NFATC1: variants seen among roughly 807,000 people sequenced by gnomAD.
The protein encoded by NFATC1 is nuclear factor of activated T-cells, cytoplasmic 1.
Under a neutral mutation model 76.0 loss-of-function variants are expected in NFATC1, and 22 were observed. The observed-to-expected ratio is 0.29, with a 90% CI of 0.21 to 0.41. NFATC1 has a LOEUF of 0.41. NFATC1 is among the 10% of genes least tolerant of loss of function. The pLI is 1.00. For missense variants in NFATC1, 1,357 were observed against 1,337.7 expected (o/e 1.01, Z -0.23); for synonymous variants, 704 against 613.1 (o/e 1.15, Z -2.19).
intron 2 of NFATC1, among the ~76,000 whole-genome samples, chr18:79,415,463 TAGTAGAG>T (rs927682252): frequency 2.6e-5 from 4 of 151,822 alleles, no homozygotes; most frequent in African/African-American, 9.7e-5. Context: ...TTTGTATTTT[TAGTAGAG>T]ATGGGGTTTC....
intron 3 of NFATC1, among the ~76,000 whole-genome samples, chr18:79,434,044 T>C (rs1005226509): frequency 5.9e-5 from 9 of 152,216 alleles, no homozygotes; most frequent in Non-Finnish European, 8.8e-5. Flanking sequence ...CTAAAGCCTC[T>C]GAACTTGGAG....
intron 1 of NFATC1, among the ~76,000 whole-genome samples, chr18:79,402,886 A>ACG (rs2085315073): frequency 6.6e-6 from 1 of 152,236 alleles, no homozygotes; most frequent in Non-Finnish European, 1.5e-5. Flanking sequence ...AAACTACTTC[A>ACG]CGTTGTTTCT....
intron 6 of NFATC1, among the ~76,000 whole-genome samples, chr18:79,455,495 C>T (rs1051860760): frequency 6.6e-6 from 1 of 152,200 alleles, no homozygotes; most frequent in Non-Finnish European, 1.5e-5. Flanking sequence ...CAGAGACGGG[C>T]TGTGCCAGGG....
At chr18:79,473,232 C>CTG (rs1418437165) in intron 8 of NFATC1, among the ~76,000 whole-genome samples, 2 of 152,264 alleles carry the variant, frequency 1.3e-5, no homozygotes, top group Non-Finnish European at 2.9e-5. Flanking sequence ...CTGGCCCCAC[C>CTG]TGTGAACAGC....
At chr18:79,400,188 G>T (rs1174798351) in intron 1 of NFATC1, 2 of 1,170,092 alleles carry the variant, frequency 1.7e-6, no homozygotes, top group Non-Finnish European at 2.1e-6. Flanking sequence ...TCGTGTCCGG[G>T]GAGTTTATTT....
chr18:79,480,203 A>G (rs1226138311), intron 8 of NFATC1, among the ~76,000 whole-genome samples: 1 of 152,148 alleles, frequency 6.6e-6, no homozygotes, highest in Non-Finnish European at 1.5e-5. Context: ...GCTCCCTGCA[A>G]ATAGCTCTGG....
At chr18:79,473,512 C>T (rs2088873581) in intron 8 of NFATC1, among the ~76,000 whole-genome samples, 1 of 149,088 alleles carries the variant, frequency 6.7e-6, no homozygotes, top group African/African-American at 2.5e-5. Context: ...CGACGTAAAC[C>T]TGAGGGAAGC....
intron 1 of NFATC1, among the ~76,000 whole-genome samples, chr18:79,407,078 A>G (rs1287810602): frequency 6.6e-6 from 1 of 152,236 alleles, no homozygotes; most frequent in East Asian, 1.9e-4. Context: ...CCTGGCCCAG[A>G]GCCCCCCAGG....
intron 9 of NFATC1, chr18:79,497,840 C>G (rs1405920478): frequency 6.6e-6 from 1 of 151,966 alleles, no homozygotes; most frequent in Non-Finnish European, 1.5e-5. Flanking sequence ...AACTTCCTGT[C>G]TGGTAACAGC....
intron 1 of NFATC1, among the ~76,000 whole-genome samples, chr18:79,401,503 C>T (rs2085255323): frequency 6.6e-6 from 1 of 152,246 alleles, no homozygotes; most frequent in Non-Finnish European, 1.5e-5. Flanking sequence ...GGAGCCAAGG[C>T]AGATGAGGGT....
chr18:79,486,758 G>T lies in NFATC1; in HGVS notation c.2603G>T (p.Cys868Phe), dbSNP rs751771633. The part of the protein sequence containing the change: ...PTCLQPCSPA[C>F]PPATGRPQHL... Reference sequence around the variant, plus strand: ...TGCCTGCAGCCCTGCAGCCCAGCGTGCCCGCCCGCCACGGGCCGCCCGCAG... The same window carrying T: ...TGCCTGCAGCCCTGCAGCCCAGCGTTCCCGCCCGCCACGGGCCGCCCGCAG... Residue 868 changes from cysteine to phenylalanine, a missense_variant, in exon 9 of 10, where the codon TGC (cysteine) becomes TTC (phenylalanine). By Grantham distance (205) the Cys-to-Phe change is radical. Around this residue, in one of 3 missense-constraint regions of NFATC1, gnomAD observed 424 missense variants for 395.4 expected, o/e 1.07. Coordinates refer to ENST00000427363, the MANE Select transcript of NFATC1 (RefSeq NM_001278669.2). The T allele has an allele frequency of 6.2e-7, 1 of 1,604,336 alleles. No homozygotes were observed. The highest frequency in any genetic ancestry group is 1.7e-5 in the Admixed American group (1 of 59,588).
intron 9 of NFATC1, among the ~76,000 whole-genome samples, chr18:79,510,839 GGGC>G (rs2090228063): frequency 6.7e-6 from 1 of 149,274 alleles, no homozygotes; most frequent in African/African-American, 2.5e-5. Context: ...TCCTCTGCCG[GGGC>G]ATCCTCTGCC....
intron 1 of NFATC1, among the ~76,000 whole-genome samples, chr18:79,406,559 G>A (rs2085445410): frequency 6.6e-6 from 1 of 152,240 alleles, no homozygotes; most frequent in Non-Finnish European, 1.5e-5. Flanking sequence ...GCTCCAACAG[G>A]CGAGAGGGCT....
At chr18:79,419,510 C>T (rs891085673) in intron 2 of NFATC1, among the ~76,000 whole-genome samples, 1 of 145,952 alleles carries the variant, frequency 6.9e-6, no homozygotes, top group Admixed American at 6.7e-5. Flanking sequence ...CCTGCCTGCC[C>T]GGGAGCCCCC....
chr18:79,528,641 A>T lies in NFATC1; in HGVS notation c.*1064A>T, dbSNP rs919976022. On this transcript the variant is annotated 3_prime_UTR_variant, in exon 10 of 10. Transcript: ENST00000427363. Reference sequence around the variant, plus strand: ...GCAACATTAGAAAGTGATTGTAAATAACATGCAACCTAAGTGTAATATATT... The same window carrying T: ...GCAACATTAGAAAGTGATTGTAAATTACATGCAACCTAAGTGTAATATATT... 2.6e-5 allele frequency: 4 copies of T among 152,262 alleles called. No individual in the cohort carries two copies. Among genetic ancestry groups the T allele is most frequent in the African/African-American group, 9.6e-5 (4 of 41,472 alleles). The allele number at this position is 152,262 out of a possible 1,614,324, so 9.4% of individuals were successfully genotyped here. A position where few individuals can be genotyped will look rare whatever the true frequency, so the allele number is the denominator to read the frequency against.
intron 9 of NFATC1, among the ~76,000 whole-genome samples, chr18:79,491,026 A>C (rs2089663360): frequency 6.6e-6 from 1 of 152,174 alleles, no homozygotes; most frequent in Non-Finnish European, 1.5e-5. Context: ...CGATGGGGAC[A>C]GCGGGAGAGG....
chr18:79,410,813 C>G lies in NFATC1; in HGVS notation c.538C>G (p.Arg180Gly), dbSNP rs759761115. 6.2e-7 allele frequency: 1 copy of G among 1,612,296 alleles called. No homozygotes were observed. Residue 180 changes from arginine (R) to glycine (G), a missense_variant, in exon 2 of 10, where the codon CGG (arginine) becomes GGG (glycine). Coordinates refer to ENST00000427363, the MANE Select transcript of NFATC1 (RefSeq NM_001278669.2). The surrounding 1 kb of genome is among the most constrained non-coding windows in gnomAD (Gnocchi z 6.7). The stretch of plus-strand genomic sequence containing the variant: ...GAGCCCGGCCAGCAGCCTGTCCTCC[C>G]GGAGCTGCAACTCAGAGGCCTCCTC... ...CLSPASSLSS[R>G]SCNSEASSYE...
chr18:79,450,831 G>A, intron 4 of NFATC1, 123 bp from the exon 5 acceptor site: 1 of 1,249,544 alleles, frequency 8.0e-7, no homozygotes, highest in Non-Finnish European at 1.1e-6. Context: ...GAAGGGGAGA[G>A]TGGCCAGCTG....
intron 9 of NFATC1, among the ~76,000 whole-genome samples, chr18:79,501,410 C>T (rs183061275): frequency 1.1e-4 from 16 of 152,298 alleles, no homozygotes; most frequent in Non-Finnish European, 1.9e-4. Flanking sequence ...TTCTTTTCCC[C>T]TAGGATGAGG....
Sources: gnomAD v4.1 joint callset for allele counts (sites outside exome capture counted in the v4.1 genomes callset) on GRCh38, gnomAD v4.1.1 for gene constraint, gnomAD v4.1.1 regional missense constraint, Gnocchi (gnomAD v3.1) non-coding constraint, MANE v1.5 for transcripts, NCBI Gene and HGNC (gene_info 2026-07-23, HGNC 2026-07-21) for gene names.